Variants in UTRN observed in about 807,000 individuals in gnomAD.
UTRN encodes the protein dystrophin-related protein 1.
UTRN carries 283 observed loss-of-function variants against 463.9 expected under a neutral mutation model. The observed-to-expected ratio is 0.61, with a 90% CI of 0.55 to 0.67. The LOEUF is 0.67. Ranked by LOEUF, UTRN falls within the 30% of genes least tolerant of loss-of-function variation. The pLI is 0.00. For synonymous variants in UTRN, 1,442 were observed against 1,431.5 expected (o/e 1.01, Z -0.17); for missense variants, 3,922 against 4,084.3 (o/e 0.96, Z 1.08).
chr6:144,288,609 T>C (rs1803906223), intron 1 of UTRN, among the ~76,000 whole-genome samples: 1 of 151,916 alleles, frequency 6.6e-6, no homozygotes, highest in Admixed American at 6.5e-5. Flanking sequence ...TATAGTTATG[T>C]ACTTGAATGA....
intron 3 of UTRN, among the ~76,000 whole-genome samples, chr6:144,420,519 G>A (rs1261639517): frequency 1.3e-5 from 2 of 152,190 alleles, no homozygotes; most frequent in African/African-American, 4.8e-5. Context: ...TACAGTGAAT[G>A]GAGTGGGATT....
In UTRN at chr6:144,542,818, C is replaced by G. The variant is rs1469636739; in HGVS notation, c.6543C>G (p.Thr2181=). ...WNKICREVPT[T]LKECIQEPSS... Reference sequence around the variant, plus strand: ...AGATTTGCAGAGAGGTGCCTACCACCCTGAAGGAATGCATCCAGGAGCCCA... The same window carrying G: ...AGATTTGCAGAGAGGTGCCTACCACGCTGAAGGAATGCATCCAGGAGCCCA... Residue 2181 remains threonine, a synonymous_variant, in exon 46 of 75, where the codon ACC becomes ACG. Coordinates refer to ENST00000367545, the MANE Select transcript of UTRN (RefSeq NM_007124.3). The G allele has an allele frequency of 9.9e-6, 16 of 1,613,668 alleles. No individual in the cohort carries two copies. The highest frequency in any genetic ancestry group is 1.7e-4 in the Middle Eastern group (1 of 6,060).
intron 2 of UTRN, among the ~76,000 whole-genome samples, chr6:144,304,795 T>A (rs1805564396): frequency 6.6e-6 from 1 of 152,110 alleles, no homozygotes; most frequent in African/African-American, 2.4e-5. Flanking sequence ...TGAAAGGGCT[T>A]TAAAATTAAA....
intron 66 of UTRN, among the ~76,000 whole-genome samples, chr6:144,821,328 G>A (rs1779585276): frequency 6.6e-6 from 1 of 151,988 alleles, no homozygotes; most frequent in African/African-American, 2.4e-5. Flanking sequence ...TTAAAGTGTG[G>A]CATTATATAG....
chr6:144,668,884 T>C (rs370900701), intron 51 of UTRN, among the ~76,000 whole-genome samples: 5 of 152,206 alleles, frequency 3.3e-5, no homozygotes, highest in African/African-American at 1.2e-4. Context: ...AATAGAACTA[T>C]GGTGTTTAGG....
chr6:144,556,358 G>A (rs1799382610), intron 49 of UTRN, among the ~76,000 whole-genome samples: 1 of 151,766 alleles, frequency 6.6e-6, no homozygotes. Flanking sequence ...TCCACCAAAT[G>A]ACTCCCAAGT....
At chr6:144,392,998 GCCATCCATCCATCCATCCAT>G (rs58099859) in intron 2 of UTRN, among the ~76,000 whole-genome samples, 7,119 of 150,168 alleles carry the variant, frequency 0.047, 531 homozygotes, top group African/African-American at 0.16. Flanking sequence ...GTGTCCAGCT[GCCATCCATCCATCCATCCAT>G]CCATCCATCC....
intron 23 of UTRN, 120 bp from the exon 24 acceptor site, chr6:144,473,600 A>T (rs1790886132): frequency 1.7e-6 from 1 of 591,282 alleles, no homozygotes; most frequent in East Asian, 2.9e-5. Context: ...AAATAACATA[A>T]ATGAAAGCGA....
chr6:144,419,882 A>G (rs1012581903), intron 3 of UTRN, among the ~76,000 whole-genome samples: 1 of 152,064 alleles, frequency 6.6e-6, no homozygotes, highest in African/African-American at 2.4e-5. Context: ...ACTGAATGGT[A>G]AGCTGTTGAG....
intron 43 of UTRN, among the ~76,000 whole-genome samples, chr6:144,535,296 G>A (rs1168346050): frequency 1.3e-5 from 2 of 152,182 alleles, no homozygotes; most frequent in African/African-American, 2.4e-5. Flanking sequence ...GGCCAGGCTG[G>A]TCTGGAATTC....
In UTRN at chr6:144,782,066, T is replaced by C. The variant is rs762161194; in HGVS notation, c.8777T>C (p.Val2926Ala). 1.2e-6 allele frequency: 2 copies of C among 1,614,036 alleles called. No homozygotes were observed. Among genetic ancestry groups the C allele is most frequent in the Admixed American group, 3.3e-5 (2 of 60,016 alleles). The change falls in exon 61 of 75, where the codon GTC (valine) becomes GCC (alanine). Residue 2926 changes from valine to alanine, a missense_variant. This residue lies in a region of UTRN where 1,309 missense variants were observed against 1,452.6 expected (regional missense o/e 0.90). Transcript: ENST00000367545. ...DGLEQMHKDL[V>A]NVPLCVDMCL... ...CTTGAGCAAATGCATAAGGACCTGG[T>C]CAACGTTCCACTCTGTGTTGATATG...
chr6:144,774,480 G>A, intron 60 of UTRN, 116 bp downstream of exon 60: 1 of 876,806 alleles, frequency 1.1e-6, no homozygotes, highest in Admixed American at 3.2e-5. Flanking sequence ...GGTCTTCAGT[G>A]TACCTCACTC....
chr6:144,496,580 TTCAC>T (rs1193430123), intron 33 of UTRN, among the ~76,000 whole-genome samples: 4 of 152,242 alleles, frequency 2.6e-5, no homozygotes, highest in African/African-American at 9.6e-5. Context: ...CATTTAAAGT[TTCAC>T]TCAATCGAGA....
At position 144,627,488 on chromosome 6, in the gene UTRN, T is replaced by G. The variant is rs1001436687; in HGVS notation, c.7479+50200T>G. 2.0e-5 allele frequency among the ~76,000 whole-genome samples: 3 copies of G among 152,200 alleles called. No homozygotes were observed. The East Asian group carries it at 5.8e-4, about 29-fold the overall frequency. ...ATACAAAATATGGCATTTTAACCAT[T>G]TTAAGTGTACAAATCAGTGGCATTA... is the stretch of plus-strand genomic sequence containing the variant. On this transcript the variant is annotated intron_variant, in intron 51 of 74. Transcript: ENST00000367545.
intron 32 of UTRN, among the ~76,000 whole-genome samples, chr6:144,491,553 A>G (rs1409605344): frequency 1.3e-5 from 2 of 152,212 alleles, no homozygotes; most frequent in African/African-American, 2.4e-5. Flanking sequence ...GAAATGATAT[A>G]TAAGGCCTTA....
At chr6:144,292,660 T>G (rs1308783203) in intron 2 of UTRN, among the ~76,000 whole-genome samples, 1 of 152,228 alleles carries the variant, frequency 6.6e-6, no homozygotes, top group Non-Finnish European at 1.5e-5. Context: ...GGGAGATATT[T>G]TTGAACAGGC....
At chr6:144,450,491 C>T (rs968933394) in intron 17 of UTRN, among the ~76,000 whole-genome samples, 2 of 152,168 alleles carry the variant, frequency 1.3e-5, no homozygotes, top group African/African-American at 2.4e-5. Context: ...ATCCATGCCC[C>T]AATTGGATTA....
chr6:144,343,911 G>A (rs1777344504), intron 2 of UTRN, among the ~76,000 whole-genome samples: 1 of 151,938 alleles, frequency 6.6e-6, no homozygotes, highest in Non-Finnish European at 1.5e-5. Context: ...AAAACAGGAA[G>A]CAAAGTTATA....
intron 51 of UTRN, among the ~76,000 whole-genome samples, chr6:144,648,786 T>C (rs1022768031): frequency 2.6e-5 from 4 of 152,214 alleles, no homozygotes; most frequent in Non-Finnish European, 5.9e-5. Flanking sequence ...GATCATGTCT[T>C]TCTTTTCTAT....
Sources: gnomAD v4.1 joint callset for allele counts (sites outside exome capture counted in the v4.1 genomes callset) on GRCh38, gnomAD v4.1.1 for gene constraint, gnomAD v4.1.1 regional missense constraint, MANE v1.5 for transcripts, NCBI Gene and HGNC (gene_info 2026-07-23, HGNC 2026-07-21) for gene names.